DAGLA: variants seen among roughly 807,000 people sequenced by gnomAD.
DAGLA encodes the protein diacylglycerol lipase-alpha.
DAGLA carries 22 observed loss-of-function variants against 102.6 expected under a neutral mutation model. The ratio of observed to expected loss-of-function variants is 0.21; its 90% CI spans 0.15 to 0.31. The LOEUF is 0.31. Ranked by LOEUF, DAGLA falls within the 10% of genes least tolerant of loss-of-function variation. DAGLA has a pLI of 1.00. For synonymous variants in DAGLA, 578 were observed against 628.9 expected, an observed-to-expected ratio of 0.92 and a Z score of 1.21; for missense variants, 927 against 1,446.6, an observed-to-expected ratio of 0.64 and a Z score of 5.83.
At chr11:61,733,395 C>A (rs775046263) in intron 9 of DAGLA, among the ~76,000 whole-genome samples, 16 of 152,236 alleles carry the variant, frequency 1.1e-4, no homozygotes, top group Non-Finnish European at 2.2e-4. Flanking sequence ...TTTGTCCCCC[C>A]AGCAAGCACT....
chr11:61,728,993 C>T lies in DAGLA; in HGVS notation c.834C>T (p.Leu278=), dbSNP rs774922030. Reference sequence around the variant, plus strand: ...CGGTGACCAGAAACACCAAGTACCTCGACCTCAAGAATTCAGTGAGTCAGA... The same window carrying T: ...CGGTGACCAGAAACACCAAGTACCTTGACCTCAAGAATTCAGTGAGTCAGA... ...GMPVTRNTKY[L]DLKNSQEMLR... is the part of the protein sequence containing the mutation. Residue 278 remains leucine (L), a synonymous_variant, in exon 8 of 20, where the codon CTC becomes CTT. Coordinates refer to ENST00000257215, the MANE Select transcript of DAGLA (RefSeq NM_006133.3). The T allele has an allele frequency of 9.3e-6, 15 of 1,614,094 alleles. No individual in the cohort carries two copies. Among genetic ancestry groups the T allele is most frequent in the South Asian group, 6.6e-5 (6 of 91,084 alleles).
Position 61,682,853 on chromosome 11 carries a change from G to GC in DAGLA, c.-45+2349_-45+2350insC, listed in dbSNP as rs201936572. On this transcript the variant is annotated intron_variant, in intron 1 of 19. Coordinates refer to ENST00000257215, the MANE Select transcript of DAGLA (RefSeq NM_006133.3). The stretch of plus-strand genomic sequence containing the variant: ...GTTGAGGCTGGATGGCAGGGGGACG[G>GC]GGGGGGGAGGTGTGGAGGATGCCCT... 5.8e-3 allele frequency among the ~76,000 whole-genome samples: 881 copies of GC among 150,922 alleles called. 12 individuals carry two copies. Among genetic ancestry groups the GC allele is most frequent in the African/African-American group, 0.02 (834 of 41,200 alleles).
At chr11:61,737,824 C>T (rs545368208) in intron 15 of DAGLA, 69 bp downstream of exon 15, 2 of 1,320,332 alleles carry the variant, frequency 1.5e-6, no homozygotes, top group Admixed American at 1.7e-5. Context: ...CTCTCCCCAC[C>T]CCCAGCCCCC....
rs926281961 is a variant in DAGLA, at chr11:61,743,761, C to T, written c.2401C>T (p.Arg801Cys). 3.1e-6 allele frequency: 5 copies of T among 1,612,346 alleles called. No homozygotes were observed. Among genetic ancestry groups the T allele is most frequent in the African/African-American group, 1.3e-5 (1 of 74,938 alleles). Reference sequence around the variant, plus strand: ...CGACTCGCGCCGCTCCTCAGGCTTCCGCAGCATCCGGGGCTCCCCCAGCCT... The same window carrying T: ...CGACTCGCGCCGCTCCTCAGGCTTCTGCAGCATCCGGGGCTCCCCCAGCCT... Reference protein sequence around the residue: ...SFDSRRSSGFRSIRGSPSLHA... With the variant: ...SFDSRRSSGFCSIRGSPSLHA... The change falls in exon 20 of 20, where the codon CGC (arginine) becomes TGC (cysteine). Residue 801 changes from arginine to cysteine, a missense_variant. By Grantham distance (180) the Arg-to-Cys change is radical (BLOSUM62 -3). Transcript: ENST00000257215.
rs2064972678 is a variant in DAGLA, at chr11:61,684,717, G to C, written c.-45+4213G>C. Among the ~76,000 whole-genome samples, 1 of 152,150 alleles carries C rather than the reference G, an allele frequency of 6.6e-6. No individual in the cohort carries two copies. The highest frequency in any genetic ancestry group is 2.4e-5 in the African/African-American group (1 of 41,412). ...TGTGTAAAGTTGCTTGTGCCCATAA[G>C]TGTTTCTGTGGGAAGTGAGGGCGGA... On this transcript the variant is annotated intron_variant, in intron 1 of 19. Coordinates refer to ENST00000257215, the MANE Select transcript of DAGLA (RefSeq NM_006133.3). The surrounding 1 kb of genome is among the most constrained non-coding windows in gnomAD (Gnocchi z 4.5).
Position 61,734,863 on chromosome 11 carries a change from C to T in DAGLA, c.989C>T (p.Pro330Leu), listed in dbSNP as rs760658683. 3 of 1,613,534 alleles carry T rather than the reference C, an allele frequency of 1.9e-6. No homozygotes were observed. In the African/African-American group the frequency reaches 4.0e-5, roughly 22 times the overall value. ...LARSCSCCLC[P>L]ARPRFAPGVT... is the part of the protein sequence containing the mutation. ...CCCCACCCTAGGTGTTGCCTGTGTC[C>T]TGCGAGGCCGCGGTTCGCCCCTGGA... is the stretch of plus-strand genomic sequence containing the variant. Residue 330 changes from proline to leucine, a missense_variant, in exon 10 of 20, where the codon CCT becomes CTT. Physicochemically the swap from Pro to Leu is moderately conservative, Grantham distance 98 (BLOSUM62 -3). Around this residue, in one of 4 missense-constraint regions of DAGLA, gnomAD observed 44 missense variants for 44.0 expected, o/e 1.00. Transcript: ENST00000257215. This position sits in a 1 kb window ranked among gnomAD's most constrained non-coding sequence, Gnocchi z 4.2.
At chr11:61,716,543 G>GA (rs5792231) in intron 1 of DAGLA, among the ~76,000 whole-genome samples, 147,685 of 152,146 alleles carry the variant, frequency 0.97, 71,839 homozygotes, top group East Asian at 1. Flanking sequence ...TCTCCAGCCA[G>GA]AGGATTTGTC....
chr11:61,685,760 A>G (rs2064981613), intron 1 of DAGLA, among the ~76,000 whole-genome samples: 1 of 148,042 alleles, frequency 6.8e-6, no homozygotes, highest in Non-Finnish European at 1.5e-5. Context: ...GGCCATGGGT[A>G]CCGGTGGGAG....
At chr11:61,687,492 C>A (rs1303514229) in intron 1 of DAGLA, among the ~76,000 whole-genome samples, 1 of 152,092 alleles carries the variant, frequency 6.6e-6, no homozygotes, top group Non-Finnish European at 1.5e-5. Flanking sequence ...CCACCACGTC[C>A]GGCTGATTTT....
chr11:61,715,009 G>A lies in DAGLA; in HGVS notation c.-44-5103G>A, dbSNP rs1419750168. 1.3e-4 allele frequency among the ~76,000 whole-genome samples: 20 copies of A among 152,190 alleles called. 1 individual carries two copies. The highest frequency in any genetic ancestry group is 1.3e-3 in the Admixed American group (20 of 15,286). On this transcript the variant is annotated intron_variant, in intron 1 of 19. Coordinates refer to ENST00000257215, the MANE Select transcript of DAGLA (RefSeq NM_006133.3). ...GATTTAACCCTCCTGATAATTCGGA[G>A]GTAGGTACTCTTCTTATCCCTGGTT...
chr11:61,720,093 G>A lies in DAGLA; in HGVS notation c.-44-19G>A. On this transcript the variant is annotated intron_variant, in intron 1 of 19. Transcript: ENST00000257215. ...CTTCACCTCCTCAGGCAGCTATAAG[G>A]TCCTCTGCTTTCTTTCAGGAGGTGA... is the stretch of plus-strand genomic sequence containing the variant. The A allele has an allele frequency of 3.2e-6, 5 of 1,565,260 alleles. No individual in the cohort carries two copies. The highest frequency in any genetic ancestry group is 4.4e-6 in the Non-Finnish European group (5 of 1,145,458).
chr11:61,714,349 T>C (rs1157751396), intron 1 of DAGLA, among the ~76,000 whole-genome samples: 1 of 151,920 alleles, frequency 6.6e-6, no homozygotes, highest in Non-Finnish European at 1.5e-5. Context: ...TGTCTGAGAG[T>C]CTCCTCTCTG....
At chr11:61,725,137 C>T (rs1432835334) in intron 5 of DAGLA, among the ~76,000 whole-genome samples, 2 of 152,150 alleles carry the variant, frequency 1.3e-5, no homozygotes, top group Non-Finnish European at 2.9e-5. Flanking sequence ...TTTAAGGGGC[C>T]GCACATGGCA....
Position 61,686,763 on chromosome 11 carries a change from T to C in DAGLA, c.-45+6259T>C, listed in dbSNP as rs1293012770. On this transcript the variant is annotated intron_variant, in intron 1 of 19. Transcript: ENST00000257215. The surrounding 1 kb of genome is among the most constrained non-coding windows in gnomAD (Gnocchi z 5.2). ...CTCGTCATTGTCTCTCCTGGAGCCA[T>C]TTAATTAATTGATGATTGATGTTCC... 6.6e-6 allele frequency among the ~76,000 whole-genome samples: 1 copy of C among 152,182 alleles called. No homozygotes were observed. Among genetic ancestry groups the C allele is most frequent in the African/African-American group, 2.4e-5 (1 of 41,448 alleles).
chr11:61,687,263 C>T (rs2064992862), intron 1 of DAGLA, among the ~76,000 whole-genome samples: 2 of 151,992 alleles, frequency 1.3e-5, no homozygotes, highest in African/African-American at 2.4e-5. Context: ...GTCCATACGC[C>T]ACCTCTCCCT....
intron 1 of DAGLA, among the ~76,000 whole-genome samples, chr11:61,699,053 A>G (rs2135558390): frequency 6.6e-6 from 1 of 152,312 alleles, no homozygotes; most frequent in African/African-American, 2.4e-5. Flanking sequence ...CATGCTATGC[A>G]CCCTCAGAAA....
intron 1 of DAGLA, among the ~76,000 whole-genome samples, chr11:61,705,586 A>C (rs1158671458): frequency 6.6e-6 from 1 of 152,192 alleles, no homozygotes; most frequent in Non-Finnish European, 1.5e-5. Flanking sequence ...TCCCCGCCTG[A>C]GCACGTGTCA....
chr11:61,705,137 C>T (rs118025662), intron 1 of DAGLA, among the ~76,000 whole-genome samples: 3,835 of 152,318 alleles, frequency 0.025, 71 homozygotes, highest in Non-Finnish European at 0.04. Flanking sequence ...CCCAGGCCTC[C>T]GTTCTCAAGG....
In DAGLA at chr11:61,734,065, A is replaced by C. The variant is rs972708020; in HGVS notation, c.975-784A>C. Among the ~76,000 whole-genome samples the C allele has an allele frequency of 6.6e-6, 1 of 152,014 alleles. No homozygotes were observed. Among genetic ancestry groups the C allele is most frequent in the Non-Finnish European group, 1.5e-5 (1 of 68,016 alleles). ...CTTAAAAAGAAAATGATGTGGCTCA[A>C]CTTATCTTAAAAGGGCCACTCTGTT... On this transcript the variant is annotated intron_variant, in intron 9 of 19. Transcript: ENST00000257215. The surrounding 1 kb of genome is among the most constrained non-coding windows in gnomAD (Gnocchi z 4.2).
Sources: gnomAD v4.1 joint callset for allele counts (sites outside exome capture counted in the v4.1 genomes callset) on GRCh38, gnomAD v4.1.1 for gene constraint, gnomAD v4.1.1 regional missense constraint, Gnocchi (gnomAD v3.1) non-coding constraint, MANE v1.5 for transcripts, NCBI Gene and HGNC (gene_info 2026-07-23, HGNC 2026-07-21) for gene names.